FRMD4B: variants seen among roughly 807,000 people sequenced by gnomAD.
FRMD4B encodes FERM domain-containing protein 4B.
A neutral mutation model predicts 141.5 loss-of-function variants in FRMD4B; 74 were observed. That is an observed-to-expected ratio of 0.52 (90% CI 0.43 to 0.63). FRMD4B has a LOEUF of 0.63. Ranked by LOEUF, FRMD4B falls within the 30% of genes least tolerant of loss-of-function variation. The pLI is 0.00. For synonymous variants in FRMD4B, 506 were observed against 467.9 expected, an observed-to-expected ratio of 1.08 and a Z score of -1.05; for missense variants, 1,366 against 1,253.4, an observed-to-expected ratio of 1.09 and a Z score of -1.36.
intron 5 of FRMD4B, among the ~76,000 whole-genome samples, chr3:69,263,135 T>C (rs2093538788): frequency 6.6e-6 from 1 of 152,038 alleles, no homozygotes; most frequent in Admixed American, 6.6e-5. Context: ...CAGGCAGCTG[T>C]AGTCCCAGCT....
intron 5 of FRMD4B, among the ~76,000 whole-genome samples, chr3:69,278,283 C>G (rs2093627890): frequency 6.6e-6 from 1 of 152,098 alleles, no homozygotes; most frequent in African/African-American, 2.4e-5. Flanking sequence ...TATTGCAGGA[C>G]TTCTTGAAGC....
chr3:69,307,028 T>C (rs1257068799), intron 3 of FRMD4B, among the ~76,000 whole-genome samples: 2 of 152,046 alleles, frequency 1.3e-5, no homozygotes, highest in Non-Finnish European at 2.9e-5. Flanking sequence ...AAATGGCCAA[T>C]TTCCACCCCC....
intron 5 of FRMD4B, among the ~76,000 whole-genome samples, chr3:69,280,994 G>A (rs1432738322): frequency 6.7e-6 from 1 of 148,808 alleles, no homozygotes; most frequent in Non-Finnish European, 1.5e-5. Flanking sequence ...GCGATGGTGC[G>A]ATCTCAGCTC....
intron 5 of FRMD4B, among the ~76,000 whole-genome samples, chr3:69,281,992 G>T (rs944790192): frequency 6.6e-6 from 1 of 151,934 alleles, no homozygotes; most frequent in Non-Finnish European, 1.5e-5. Flanking sequence ...TCTCTATGCC[G>T]TATGGGCAAT....
chr3:69,193,952 T>C, intron 16 of FRMD4B, 79 bp from the exon 17 acceptor site: 1 of 861,830 alleles, frequency 1.2e-6, no homozygotes, highest in Non-Finnish European at 1.8e-6. Context: ...TAAAACTTCC[T>C]GTGCACTTTC....
intron 1 of FRMD4B, among the ~76,000 whole-genome samples, chr3:69,330,340 C>CTTTTTTTTTTTTTTTTTTTT (rs34238889): frequency 2.3e-5 from 1 of 42,928 alleles, no homozygotes; most frequent in Non-Finnish European, 3.8e-5. Context: ...ATTCTTTTGC[C>CTTTTTTTTTTTTTTTTTTTT]TTTTTTTTTT....
At chr3:69,210,561 G>C (rs2093065765) in intron 11 of FRMD4B, among the ~76,000 whole-genome samples, 1 of 152,126 alleles carries the variant, frequency 6.6e-6, no homozygotes, top group Admixed American at 6.5e-5. Context: ...GGATTAAAAA[G>C]TAAAGCTGCT....
chr3:69,287,336 G>A (rs1364621594), intron 5 of FRMD4B, among the ~76,000 whole-genome samples: 1 of 152,264 alleles, frequency 6.6e-6, no homozygotes, highest in Non-Finnish European at 1.5e-5. Context: ...GCACATGTGT[G>A]CAGGGATCAG....
intron 1 of FRMD4B, among the ~76,000 whole-genome samples, chr3:69,447,574 G>GAGAT (rs1705428281): frequency 6.6e-6 from 1 of 152,114 alleles, no homozygotes; most frequent in Admixed American, 6.5e-5. Flanking sequence ...ATAAATTCAG[G>GAGAT]AGATACATGG....
At chr3:69,193,235 G>A (rs192065761) in intron 17 of FRMD4B, among the ~76,000 whole-genome samples, 1 of 152,294 alleles carries the variant, frequency 6.6e-6, no homozygotes, top group African/African-American at 2.4e-5. Context: ...TTTGTCAGGC[G>A]CAGTGGCTCA....
chr3:69,204,746 G>A (rs1387572903), intron 11 of FRMD4B, among the ~76,000 whole-genome samples: 7 of 152,126 alleles, frequency 4.6e-5, no homozygotes, highest in African/African-American at 9.7e-5. Context: ...CAACAAATAC[G>A]CAGTTAACAC....
chr3:69,312,432 T>C (rs904955704), intron 2 of FRMD4B, among the ~76,000 whole-genome samples: 1 of 152,220 alleles, frequency 6.6e-6, no homozygotes, highest in African/African-American at 2.4e-5. Context: ...AATTGAAGCC[T>C]AAGCATAGTG....
chr3:69,480,766 C>T (rs963946044), intron 1 of FRMD4B, among the ~76,000 whole-genome samples: 3 of 152,364 alleles, frequency 2.0e-5, no homozygotes, highest in African/African-American at 7.2e-5. Flanking sequence ...TTTAAGTCTG[C>T]AGAGGTTACT....
intron 12 of FRMD4B, among the ~76,000 whole-genome samples, chr3:69,197,274 C>T (rs2092917886): frequency 6.6e-6 from 1 of 152,060 alleles, no homozygotes; most frequent in Non-Finnish European, 1.5e-5. Flanking sequence ...CACATGAACT[C>T]AAAAGCTGAT....
Position 69,169,336 on chromosome 3 carries a change from T to A in FRMD4B, c.*2525A>T, listed in dbSNP as rs1432520398. On this transcript the variant is annotated 3_prime_UTR_variant, in exon 23 of 23. Coordinates refer to ENST00000398540, the MANE Select transcript of FRMD4B (RefSeq NM_015123.3). ...GAAGAAAACCGTGCAGTAGGATTGC[T>A]GAACTTCCATTTCTTTCTTTTTTTT... 6.8e-6 allele frequency among the ~76,000 whole-genome samples: 1 copy of A among 147,136 alleles called. No individual in the cohort carries two copies. Among genetic ancestry groups the A allele is most frequent in the African/African-American group, 2.5e-5 (1 of 39,954 alleles).
At chr3:69,418,592 T>G (rs1283841377) in intron 2 of FRMD4B, among the ~76,000 whole-genome samples, 1 of 152,180 alleles carries the variant, frequency 6.6e-6, no homozygotes, top group African/African-American at 2.4e-5. Context: ...GTTGTTGGCA[T>G]GTTGTGGAGG....
At chr3:69,464,875 GA>G (rs1705758116) in intron 1 of FRMD4B, among the ~76,000 whole-genome samples, 1 of 152,190 alleles carries the variant, frequency 6.6e-6, no homozygotes, top group Non-Finnish European at 1.5e-5. Flanking sequence ...CAGACTGTGA[GA>G]AACTCTGCAG....
intron 13 of FRMD4B, 26 bp downstream of exon 13, chr3:69,196,874 C>T (rs1244752577): frequency 2.5e-6 from 4 of 1,570,512 alleles, no homozygotes; most frequent in African/African-American, 1.3e-5. Context: ...GAATCTGTCC[C>T]TATAGAAATG....
chr3:69,238,549 T>G (rs1559743003), intron 7 of FRMD4B, among the ~76,000 whole-genome samples: 1 of 152,254 alleles, frequency 6.6e-6, no homozygotes, highest in African/African-American at 2.4e-5. Flanking sequence ...TTTGGGAGAC[T>G]GAGGTGGGCA....
Sources: gnomAD v4.1 joint callset for allele counts (sites outside exome capture counted in the v4.1 genomes callset) on GRCh38, gnomAD v4.1.1 for gene constraint, MANE v1.5 for transcripts, NCBI Gene and HGNC (gene_info 2026-07-23, HGNC 2026-07-21) for gene names.